Variants in TRIL observed in about 807,000 individuals in gnomAD.
The protein encoded by TRIL is TLR4 interactor with leucine rich repeats.
A neutral mutation model predicts 43.0 loss-of-function variants in TRIL; 23 were observed. That is an observed-to-expected ratio of 0.54 (90% CI 0.39 to 0.76). The LOEUF (loss-of-function observed/expected upper bound fraction) is 0.76, where lower values mean the gene tolerates loss of function less well. TRIL is among the 30% of genes least tolerant of loss of function. The pLI, the probability that TRIL is intolerant of heterozygous loss-of-function variation, is 0.00. For missense variants in TRIL, 1,114 were observed against 1,139.3 expected (o/e 0.98, Z 0.32); for synonymous variants, 602 against 556.8 (o/e 1.08, Z -1.14).
Position 28,957,274 on chromosome 7 carries a change from A to G in TRIL, c.773T>C (p.Leu258Pro). ...CGTGAGCTGGTTGCCCCTGAGCGAG[A>G]GCAGGCCGAGACGTGGCAGGTGCTG... Reference protein sequence around the residue: ...IFQHLPRLGLLSLRGNQLTHL... With the variant: ...IFQHLPRLGLPSLRGNQLTHL... The change falls in exon 1 of 1, where the codon CTC becomes CCC. Residue 258 changes from leucine to proline, a missense_variant. Coordinates refer to ENST00000539664, the MANE Select transcript of TRIL (RefSeq NM_014817.4). The G allele has an allele frequency of 6.2e-7, 1 of 1,610,384 alleles. No homozygotes were observed. The highest frequency in any genetic ancestry group is 8.5e-7 in the Non-Finnish European group (1 of 1,179,760).
At position 28,957,545 on chromosome 7, in the gene TRIL, C is replaced by A. The variant is rs1167167302; in HGVS notation, c.502G>T (p.Gly168Trp). 6.2e-7 allele frequency: 1 copy of A among 1,612,794 alleles called. No homozygotes were observed. ...VKLRLDGNAL[G>W]ALPDAVFAPL... ...GCGAAGACCGCGTCCGGCAGCGCCC[C>A]CAGGGCGTTCCCGTCCAGCCGCAGC... is the stretch of plus-strand genomic sequence containing the variant. Residue 168 changes from glycine to tryptophan, a missense_variant, in exon 1 of 1, where the codon GGG becomes TGG. Gly to Trp is a radical substitution (Grantham distance 184, BLOSUM62 -2). Coordinates refer to ENST00000539664, the MANE Select transcript of TRIL (RefSeq NM_014817.4).
Position 28,955,561 on chromosome 7 carries a change from G to A in TRIL, c.*50C>T. 6.9e-7 allele frequency: 1 copy of A among 1,453,694 alleles called. No homozygotes were observed. Among genetic ancestry groups the A allele is most frequent in the African/African-American group, 1.4e-5 (1 of 70,778 alleles). The allele number at this position is 1,453,694 out of a possible 1,614,324, so 90.0% of individuals were successfully genotyped here. Reference sequence around the variant, plus strand: ...CCTGAGGTGGGCTGGTGGGCCTCACGGAGAGGCGGCTCCTTAGGGCCAATG... The same window carrying A: ...CCTGAGGTGGGCTGGTGGGCCTCACAGAGAGGCGGCTCCTTAGGGCCAATG... On this transcript the variant is annotated 3_prime_UTR_variant, in exon 1 of 1. Transcript: ENST00000539664.
rs1050003449 is a variant in TRIL at position 28,957,224 on chromosome 7, C to G, written c.823G>C (p.Gly275Arg). The G allele has an allele frequency of 6.2e-7, 1 of 1,605,694 alleles. No homozygotes were observed. The highest frequency in any genetic ancestry group is 8.5e-7 in the Non-Finnish European group (1 of 1,179,160). ...LTHLAPEAFW[G>R]LEALRELRLE... ...CGCAGCTCGCGCAGGGCCTCCAAGC[C>G]CCAAAAGGCCTCAGGCGCGAGGTGC... Residue 275 changes from glycine to arginine, a missense_variant, in exon 1 of 1, where the codon GGC (glycine) becomes CGC (arginine). Physicochemically the swap from Gly to Arg is moderately radical, Grantham distance 125 (BLOSUM62 -2). Coordinates refer to ENST00000539664, the MANE Select transcript of TRIL (RefSeq NM_014817.4).
In TRIL at chr7:28,956,613, G is replaced by T; in HGVS notation, c.1434C>A (p.Asn478Lys). The T allele has an allele frequency of 1.3e-6, 2 of 1,569,418 alleles. No homozygotes were observed. Among genetic ancestry groups the T allele is most frequent in the Non-Finnish European group, 8.6e-7 (1 of 1,162,366 alleles). ...GCCGACTCAGCCTTAGGGCGCTGCG[G>T]TTGCCTACCAGCTCCCTGGCGGCCC... ...WDGAARELVG[N>K]RSALRLSRRG... is the part of the protein sequence containing the mutation. The change falls in exon 1 of 1, where the codon AAC becomes AAA. Residue 478 changes from asparagine (N) to lysine (K), a missense_variant. Coordinates refer to ENST00000539664, the MANE Select transcript of TRIL (RefSeq NM_014817.4).
In TRIL at chr7:28,954,823, G is replaced by A. The variant is rs1186986856; in HGVS notation, c.*788C>T. On this transcript the variant is annotated 3_prime_UTR_variant, in exon 1 of 1. Transcript: ENST00000539664. ...AAATAAAATTAAAAAAGCCACAGGA[G>A]CAACCCTGACAGAGAAGTCTTGCAT... 2 of 152,140 alleles carry A rather than the reference G, an allele frequency of 1.3e-5. No individual in the cohort carries two copies. The highest frequency in any genetic ancestry group is 2.9e-5 in the Non-Finnish European group (2 of 68,028). The allele number at this position is 152,140 out of a possible 1,614,324, so 9.4% of individuals were successfully genotyped here.
chr7:28,956,063 C>A lies in TRIL; in HGVS notation c.1984G>T (p.Glu662Ter). Residue 662 changes from glutamate to a stop codon, truncating the protein, a stop_gained, in exon 1 of 1, where the codon GAG becomes TAG. Transcript: ENST00000539664. LOFTEE classifies it high-confidence loss of function. ...CAGACACGGCCCCCAAGCACGCCCT[C>A]CACGCACACCAGGTAGGGGGTGTCC... ...RGDTPYLVCV[E>*]GVLGGRVCPV... 6.4e-7 allele frequency: 1 copy of A among 1,551,472 alleles called. No individual in the cohort carries two copies.
At position 28,958,112 on chromosome 7, in the gene TRIL, C is replaced by T; in HGVS notation, c.-66G>A. 1 of 1,456,042 alleles carries T rather than the reference C, an allele frequency of 6.9e-7. No homozygotes were observed. The allele number at this position is 1,456,042 out of a possible 1,614,324, so 90.2% of individuals were successfully genotyped here. ...GCCCGCCGGCTCTGTGTCTCCTCTG[C>T]ATTCCCCTTAGCCTGGCCAGAGTCG... On this transcript the variant is annotated 5_prime_UTR_variant, in exon 1 of 1. The change abolishes an upstream ATG in the 5' untranslated region. Coordinates refer to ENST00000539664, the MANE Select transcript of TRIL (RefSeq NM_014817.4).
Position 28,956,430 on chromosome 7 carries a change from C to G in TRIL, c.1617G>C (p.Ala539=), listed in dbSNP as rs769675198. 46 of 1,540,364 alleles carry G rather than the reference C, an allele frequency of 3.0e-5. No individual in the cohort carries two copies. The African/African-American group carries it at 5.8e-4, about 19-fold the overall frequency. The change falls in exon 1 of 1, where the codon GCG becomes GCC. Residue 539 remains alanine (A), a synonymous_variant. Transcript: ENST00000539664. ...GCCAGGGGTCGCCGGCGGGCGATGG[C>G]GCAGAGCCAGGAGAGGCCGTTGGGG... ...EPTPTASPGS[A]PSPAGDPWQR... is the part of the protein sequence containing the mutation.
chr7:28,956,205 C>T lies in TRIL; in HGVS notation c.1842G>A (p.Pro614=). ...WAVREHRSPR[P]LGGARFRLLF... is the part of the protein sequence containing the mutation. ...GCAGGCGGAAGCGCGCGCCGCCCAG[C>T]GGCCGGGGACTGCGGTGCTCGCGCA... The change falls in exon 1 of 1, where the codon CCG becomes CCA. Residue 614 remains proline, a synonymous_variant. Transcript: ENST00000539664. The T allele has an allele frequency of 6.4e-7, 1 of 1,562,714 alleles. No individual in the cohort carries two copies.
Position 28,956,593 on chromosome 7 carries a change from C to T in TRIL, c.1454G>A (p.Ser485Asn), listed in dbSNP as rs1322541234. Residue 485 changes from serine to asparagine, a missense_variant, in exon 1 of 1, where the codon AGT becomes AAT. Physicochemically the swap from Ser to Asn is conservative, Grantham distance 46. Coordinates refer to ENST00000539664, the MANE Select transcript of TRIL (RefSeq NM_014817.4). ...CTGCTGGAGGCCCGGGCCCCGCCGA[C>T]TCAGCCTTAGGGCGCTGCGGTTGCC... is the stretch of plus-strand genomic sequence containing the variant. Reference protein sequence around the residue: ...LVGNRSALRLSRRGPGLQQPS... With the variant: ...LVGNRSALRLNRRGPGLQQPS... 1 of 1,562,810 alleles carries T rather than the reference C, an allele frequency of 6.4e-7. No homozygotes were observed. Among genetic ancestry groups the T allele is most frequent in the East Asian group, 2.3e-5 (1 of 43,066 alleles).
chr7:28,955,364 T>G lies in TRIL; in HGVS notation c.*247A>C, dbSNP rs1179108037. 1.1e-5 allele frequency: 6 copies of G among 551,504 alleles called. No homozygotes were observed. Among genetic ancestry groups the G allele is most frequent in the Non-Finnish European group, 1.8e-5 (6 of 329,834 alleles). 34.2% of individuals were successfully genotyped at this position (551,504 alleles called of 1,614,324 possible). On this transcript the variant is annotated 3_prime_UTR_variant, in exon 1 of 1. Transcript: ENST00000539664. ...CCATTCGCATAGCTGTGTCAAAGCC[T>G]CCAAGCGAAGCCTCCGACCTCAGCA...
At position 28,957,084 on chromosome 7, in the gene TRIL, G is replaced by A. The variant is rs1432371451; in HGVS notation, c.963C>T (p.Phe321=). ...NELSALHPAT[F]GHLGRLRELS... is the part of the protein sequence containing the mutation. ...GCTCGCGCAGCCGGCCCAGGTGGCCGAAGGTGGCCGGGTGCAGGGCGGACA... is the reference window on the plus strand; with the variant it reads ...GCTCGCGCAGCCGGCCCAGGTGGCCAAAGGTGGCCGGGTGCAGGGCGGACA... The change falls in exon 1 of 1, where the codon TTC becomes TTT. Residue 321 remains phenylalanine (F), a synonymous_variant. Transcript: ENST00000539664. 3.2e-6 allele frequency: 5 copies of A among 1,572,858 alleles called. No homozygotes were observed. The highest frequency in any genetic ancestry group is 4.3e-6 in the Non-Finnish European group (5 of 1,162,504).
chr7:28,957,104 C>A lies in TRIL; in HGVS notation c.943G>T (p.Ala315Ser), dbSNP rs780487714. Residue 315 changes from alanine (A) to serine (S), a missense_variant, in exon 1 of 1, where the codon GCC becomes TCC. Transcript: ENST00000539664. ...ALDLSGNELS[A>S]LHPATFGHLG... Reference sequence around the variant, plus strand: ...TGGCCGAAGGTGGCCGGGTGCAGGGCGGACAGCTCATTGCCGCTCAGGTCC... The same window carrying A: ...TGGCCGAAGGTGGCCGGGTGCAGGGAGGACAGCTCATTGCCGCTCAGGTCC... The A allele has an allele frequency of 6.4e-7, 1 of 1,574,172 alleles. No homozygotes were observed. The highest frequency in any genetic ancestry group is 8.6e-7 in the Non-Finnish European group (1 of 1,163,196).
rs1349253839 is a variant in TRIL at position 28,955,756 on chromosome 7, G to C, written c.2291C>G (p.Ser764Trp). ...GVSADFSGFQ[S>W]HRPRTTVCAL... ...GCACACGGTGGTGCGTGGCCGGTGCGACTGGAATCCCGAGAAGTCGGCGGA... is the reference window on the plus strand; with the variant it reads ...GCACACGGTGGTGCGTGGCCGGTGCCACTGGAATCCCGAGAAGTCGGCGGA... Residue 764 changes from serine (S) to tryptophan (W), a missense_variant, in exon 1 of 1, where the codon TCG (serine) becomes TGG (tryptophan). By Grantham distance (177) the Ser-to-Trp change is radical (BLOSUM62 -3). Transcript: ENST00000539664. The C allele has an allele frequency of 6.5e-7, 1 of 1,550,258 alleles. No individual in the cohort carries two copies. The highest frequency in any genetic ancestry group is 1.4e-5 in the African/African-American group (1 of 73,060).
rs531238623 is a variant in TRIL at position 28,956,741 on chromosome 7, C to A, written c.1306G>T (p.Ala436Ser). Residue 436 changes from alanine (A) to serine (S), a missense_variant, in exon 1 of 1, where the codon GCA becomes TCA. Transcript: ENST00000539664. ...DRRRQPLPTA[A>S]GEEMTPPAGL... Reference sequence around the variant, plus strand: ...GCAGGTGGCGTCATCTCCTCCCCTGCGGCCGTGGGTAGGGGCTGCCGCCTG... The same window carrying A: ...GCAGGTGGCGTCATCTCCTCCCCTGAGGCCGTGGGTAGGGGCTGCCGCCTG... The A allele has an allele frequency of 3.7e-6, 6 of 1,606,178 alleles. No individual in the cohort carries two copies. In the African/African-American group the frequency reaches 6.7e-5, roughly 18 times the overall value.
chr7:28,956,120 T>C lies in TRIL; in HGVS notation c.1927A>G (p.Ser643Gly), dbSNP rs1446605427. 1 of 1,562,572 alleles carries C rather than the reference T, an allele frequency of 6.4e-7. No homozygotes were observed. Among genetic ancestry groups the C allele is most frequent in the Non-Finnish European group, 8.7e-7 (1 of 1,155,462 alleles). The change falls in exon 1 of 1, where the codon AGC (serine) becomes GGC (glycine). Residue 643 changes from serine (S) to glycine (G), a missense_variant. By Grantham distance (56) the Ser-to-Gly change is moderately conservative (BLOSUM62 0). Coordinates refer to ENST00000539664, the MANE Select transcript of TRIL (RefSeq NM_014817.4). ...FHRFVYLPES[S>G]DSATLRELRG... ...AGCTCGCGCAGCGTGGCCGAGTCGC[T>C]GCTCTCAGGCAGGTAGACGAAGCGG...
Position 28,956,096 on chromosome 7 carries a change from G to C in TRIL, c.1951C>G (p.Leu651Val). ...ESSDSATLRELRGDTPYLVCV... is the reference protein window; with the variant it reads ...ESSDSATLREVRGDTPYLVCV... ...ACCAGGTAGGGGGTGTCCCCGCGCA[G>C]CTCGCGCAGCGTGGCCGAGTCGCTG... is the stretch of plus-strand genomic sequence containing the variant. The change falls in exon 1 of 1, where the codon CTG becomes GTG. Residue 651 changes from leucine to valine, a missense_variant. Coordinates refer to ENST00000539664, the MANE Select transcript of TRIL (RefSeq NM_014817.4). 1 of 1,556,694 alleles carries C rather than the reference G, an allele frequency of 6.4e-7. No homozygotes were observed. Among genetic ancestry groups the C allele is most frequent in the South Asian group, 1.2e-5 (1 of 84,756 alleles).
chr7:28,956,668 C>T lies in TRIL; in HGVS notation c.1379G>A (p.Gly460Glu), dbSNP rs1319266646. ...CCAGGCCACCCCAGCTAGAAATCGC[C>T]CCTGCTGCTGGAGCTGCGGCTGCGG... The part of the protein sequence containing the change: ...LPPQPQLQQQ[G>E]RFLAGVAWDG... Residue 460 changes from glycine to glutamate, a missense_variant, in exon 1 of 1, where the codon GGG becomes GAG. By Grantham distance (98) the Gly-to-Glu change is moderately conservative (BLOSUM62 -2). Transcript: ENST00000539664. 1 of 1,579,466 alleles carries T rather than the reference C, an allele frequency of 6.3e-7. No individual in the cohort carries two copies. Among genetic ancestry groups the T allele is most frequent in the African/African-American group, 1.4e-5 (1 of 73,888 alleles).
chr7:28,956,665 C>A lies in TRIL; in HGVS notation c.1382G>T (p.Arg461Leu). 1.3e-6 allele frequency: 2 copies of A among 1,576,336 alleles called. No homozygotes were observed. The highest frequency in any genetic ancestry group is 1.4e-5 in the African/African-American group (1 of 73,930). ...ATCCCAGGCCACCCCAGCTAGAAATCGCCCCTGCTGCTGGAGCTGCGGCTG... is the reference window on the plus strand; with the variant it reads ...ATCCCAGGCCACCCCAGCTAGAAATAGCCCCTGCTGCTGGAGCTGCGGCTG... Reference protein sequence around the residue: ...PPQPQLQQQGRFLAGVAWDGA... With the variant: ...PPQPQLQQQGLFLAGVAWDGA... Residue 461 changes from arginine to leucine, a missense_variant, in exon 1 of 1, where the codon CGA becomes CTA. Physicochemically the swap from Arg to Leu is moderately radical, Grantham distance 102. Coordinates refer to ENST00000539664, the MANE Select transcript of TRIL (RefSeq NM_014817.4).
Sources: gnomAD v4.1 joint callset for allele counts on GRCh38, gnomAD v4.1.1 for gene constraint, MANE v1.5 for transcripts, NCBI Gene and HGNC (gene_info 2026-07-23, HGNC 2026-07-21) for gene names.